PDE11A: variants seen among roughly 807,000 people sequenced by gnomAD.
The protein encoded by PDE11A is phosphodiesterase 11A, also known as dual 3',5'-cyclic-AMP and -GMP phosphodiesterase 11A.
Under a neutral mutation model 100.5 loss-of-function variants are expected in PDE11A, and 100 were observed. The ratio of observed to expected loss-of-function variants is 1.00; its 90% CI spans 0.85 to 1.18. The LOEUF is 1.18. PDE11A is among the 50% of genes most tolerant of loss of function. The pLI is 0.00. For synonymous variants in PDE11A, 381 were observed against 420.8 expected, an observed-to-expected ratio of 0.91 and a Z score of 1.16; for missense variants, 1,141 against 1,152.6, an observed-to-expected ratio of 0.99 and a Z score of 0.15.
intron 1 of PDE11A, among the ~76,000 whole-genome samples, chr2:178,061,614 G>C (rs1029960895): frequency 7.9e-5 from 12 of 152,224 alleles, no homozygotes; most frequent in African/African-American, 2.2e-4. Flanking sequence ...AGAGTAAAGA[G>C]AGGAGGTGGC....
intron 19 of PDE11A, among the ~76,000 whole-genome samples, chr2:177,659,708 G>T (rs2080445077): frequency 6.6e-6 from 1 of 152,134 alleles, no homozygotes. Context: ...TGACATGAGG[G>T]TTTCTGTTTA....
At chr2:177,694,366 A>G (rs2081080957) in intron 15 of PDE11A, among the ~76,000 whole-genome samples, 2 of 152,230 alleles carry the variant, frequency 1.3e-5, no homozygotes, top group Non-Finnish European at 2.9e-5. Context: ...TGTCAGGGAC[A>G]GGCAATAAAA....
rs186074539 is a variant in PDE11A, at chr2:177,676,558, G to A, written c.2424-1040C>T. On this transcript the variant is annotated intron_variant, in intron 16 of 19. Coordinates refer to ENST00000286063, the MANE Select transcript of PDE11A (RefSeq NM_016953.4). ...GGTCCCCCCACAGGAAACCCCTCCA[G>A]GGAACAAGGCAGGGTCACAGATAAC... Among the ~76,000 whole-genome samples, 1,278 of 131,518 alleles carry A rather than the reference G, an allele frequency of 9.7e-3. 16 individuals are homozygous for A. Among genetic ancestry groups the A allele is most frequent in the African/African-American group, 0.031 (1,232 of 39,966 alleles). 86.3% of individuals were successfully genotyped at this position (131,518 alleles called of 152,430 possible). A position where few individuals can be genotyped will look rare whatever the true frequency, so the allele number is the denominator to read the frequency against.
intron 6 of PDE11A, among the ~76,000 whole-genome samples, chr2:177,838,897 T>C (rs891840380): frequency 1.3e-5 from 2 of 152,086 alleles, no homozygotes; most frequent in Admixed American, 1.3e-4. Flanking sequence ...ATTTAGTGTA[T>C]AAAAACTGAG....
At chr2:177,688,465 T>C (rs2080990694) in intron 15 of PDE11A, 2 of 152,196 alleles carry the variant, frequency 1.3e-5, no homozygotes, top group African/African-American at 2.4e-5. Context: ...TGTGAAACTG[T>C]TAGAAACAGG....
chr2:178,035,625 C>T (rs1305701611), intron 1 of PDE11A, among the ~76,000 whole-genome samples: 1 of 152,060 alleles, frequency 6.6e-6, no homozygotes, highest in Non-Finnish European at 1.5e-5. Context: ...TGTGAAAATC[C>T]TCAATAAAAT....
intron 4 of PDE11A, among the ~76,000 whole-genome samples, chr2:177,890,996 C>T (rs1158583432): frequency 6.6e-6 from 1 of 152,078 alleles, no homozygotes; most frequent in Non-Finnish European, 1.5e-5. Flanking sequence ...CATAGAATTT[C>T]ATTAAATAAA....
At chr2:177,890,185 A>G (rs561412403) in intron 4 of PDE11A, among the ~76,000 whole-genome samples, 4 of 152,298 alleles carry the variant, frequency 2.6e-5, no homozygotes, top group African/African-American at 9.6e-5. Context: ...TAGCCTTCAA[A>G]TATCTTCATC....
intron 1 of PDE11A, among the ~76,000 whole-genome samples, chr2:178,040,357 G>C (rs758389682): frequency 6.6e-6 from 1 of 152,098 alleles, no homozygotes; most frequent in Non-Finnish European, 1.5e-5. Context: ...CACCCAGCTA[G>C]TGTTTTACAT....
chr2:177,851,947 G>T (rs868367793), intron 5 of PDE11A, among the ~76,000 whole-genome samples: 1 of 151,918 alleles, frequency 6.6e-6, no homozygotes, highest in African/African-American at 2.4e-5. Flanking sequence ...TCCCCTCTAG[G>T]TGTCCATGTG....
In PDE11A at chr2:177,831,911, G is replaced by A. The variant is rs1432475504; in HGVS notation, c.1500+8340C>T. On this transcript the variant is annotated intron_variant, in intron 6 of 19. Transcript: ENST00000286063. Reference sequence around the variant, plus strand: ...CTTTAGCTATGTCTTAAGGATTGGTGCGGCTTTAGCTATATGTTTCAAGGA... The same window carrying A: ...CTTTAGCTATGTCTTAAGGATTGGTACGGCTTTAGCTATATGTTTCAAGGA... Among the ~76,000 whole-genome samples, 5 of 152,184 alleles carry A rather than the reference G, an allele frequency of 3.3e-5. No individual in the cohort carries two copies. In the East Asian group the frequency reaches 5.8e-4, roughly 18 times the overall value.
At chr2:177,649,363 T>C (rs1453875492) in intron 19 of PDE11A, among the ~76,000 whole-genome samples, 1 of 152,210 alleles carries the variant, frequency 6.6e-6, no homozygotes, top group Admixed American at 6.5e-5. Context: ...ACAACATCAA[T>C]GTCCATAAAT....
intron 2 of PDE11A, among the ~76,000 whole-genome samples, chr2:177,931,174 A>T (rs1206488710): frequency 1.3e-5 from 2 of 151,588 alleles, no homozygotes; most frequent in Non-Finnish European, 2.9e-5. Flanking sequence ...AAAACAAAAC[A>T]AAACAAACAA....
chr2:177,829,752 T>C (rs1254652537), intron 6 of PDE11A, among the ~76,000 whole-genome samples: 1 of 151,890 alleles, frequency 6.6e-6, no homozygotes, highest in Non-Finnish European at 1.5e-5. Flanking sequence ...GTGCCCAGCC[T>C]ATAATAAGCA....
At chr2:177,794,764 G>GTTTT (rs201532314) in intron 9 of PDE11A, among the ~76,000 whole-genome samples, 4 of 148,104 alleles carry the variant, frequency 2.7e-5, no homozygotes, top group Non-Finnish European at 6.0e-5. Context: ...TTGGTGTCTG[G>GTTTT]TTTTTGTTTG....
intron 12 of PDE11A, among the ~76,000 whole-genome samples, chr2:177,720,743 T>C (rs1197592258): frequency 6.6e-6 from 1 of 152,212 alleles, no homozygotes; most frequent in Admixed American, 6.6e-5. Flanking sequence ...TCAAGATGAA[T>C]GCAACCAAAT....
intron 10 of PDE11A, among the ~76,000 whole-genome samples, chr2:177,746,315 T>C (rs1230923075): frequency 1.3e-5 from 2 of 151,894 alleles, no homozygotes; most frequent in Non-Finnish European, 1.5e-5. Flanking sequence ...AATTTGGAAA[T>C]CTGGAGGGAA....
chr2:178,098,848 A>T (rs2087527259), intron 2 of PDE11A, among the ~76,000 whole-genome samples: 2 of 152,212 alleles, frequency 1.3e-5, no homozygotes, highest in Admixed American at 1.3e-4. Flanking sequence ...AAAATTTGAC[A>T]TGACAATAAG....
chr2:178,059,341 C>T (rs1369488570), intron 1 of PDE11A, among the ~76,000 whole-genome samples: 7 of 152,066 alleles, frequency 4.6e-5, no homozygotes, highest in African/African-American at 7.2e-5. Context: ...CACCCCAGGC[C>T]GGCAGCACCA....
Sources: allele counts gnomAD v4.1 joint callset (sites outside exome capture counted in the v4.1 genomes callset), GRCh38; gene constraint gnomAD v4.1.1; transcripts MANE v1.5; gene names NCBI Gene and HGNC (gene_info 2026-07-23, HGNC 2026-07-21).